PDE11A: variants seen among roughly 807,000 people sequenced by gnomAD.
PDE11A encodes the protein dual 3',5'-cyclic-AMP and -GMP phosphodiesterase 11A.
A neutral mutation model predicts 100.5 loss-of-function variants in PDE11A; 100 were observed. The observed-to-expected ratio is 1.00, with a 90% confidence interval of 0.85 to 1.18. The LOEUF is 1.18. Ranked by LOEUF, PDE11A falls within the 50% of genes most tolerant of loss-of-function variation. The probability of loss-of-function intolerance (pLI) is 0.00; values close to 1 mark genes in which losing one functional copy is unlikely to be tolerated. For synonymous variants in PDE11A, 381 were observed against 420.8 expected (o/e 0.91, Z 1.16); for missense variants, 1,141 against 1,152.6 (o/e 0.99, Z 0.15).
intron 2 of PDE11A, among the ~76,000 whole-genome samples, chr2:177,945,368 A>T (rs1220755473): frequency 1.4e-5 from 2 of 139,516 alleles, no homozygotes; most frequent in Non-Finnish European, 3.1e-5. Flanking sequence ...CCCATCTAGG[A>T]AGTGAGGAGC....
At chr2:177,927,392 C>T (rs532624707) in intron 2 of PDE11A, among the ~76,000 whole-genome samples, 3 of 152,272 alleles carry the variant, frequency 2.0e-5, no homozygotes, top group Admixed American at 6.5e-5. Flanking sequence ...TATCCAGCAC[C>T]GATTTTGTTC....
At chr2:178,011,007 C>T (rs1179074229) in intron 2 of PDE11A, among the ~76,000 whole-genome samples, 2 of 152,152 alleles carry the variant, frequency 1.3e-5, no homozygotes, top group African/African-American at 4.8e-5. Flanking sequence ...GCTATTTATT[C>T]ATCCCATGCT....
chr2:178,032,662 TAGGCC>T (rs1445930505), intron 1 of PDE11A, among the ~76,000 whole-genome samples: 3 of 152,112 alleles, frequency 2.0e-5, no homozygotes, highest in Admixed American at 6.5e-5. Flanking sequence ...TGGCTGGCAT[TAGGCC>T]AGGGCCTCCC....
At chr2:177,997,741 T>C in intron 2 of PDE11A, 1 of 1,458,172 alleles carries the variant, frequency 6.9e-7, no homozygotes, top group Middle Eastern at 1.9e-4. Flanking sequence ...CAACAAACAT[T>C]CCACATAACT....
At chr2:177,853,904 G>A (rs1418176889) in intron 5 of PDE11A, among the ~76,000 whole-genome samples, 1 of 140,326 alleles carries the variant, frequency 7.1e-6, no homozygotes, top group Non-Finnish European at 1.5e-5. Context: ...AGATATATAT[G>A]TATATATGTG....
chr2:178,035,113 A>C (rs1000033322), intron 1 of PDE11A, among the ~76,000 whole-genome samples: 10 of 152,204 alleles, frequency 6.6e-5, no homozygotes, highest in Non-Finnish European at 1.0e-4. Context: ...ACATTAACAA[A>C]ATAGATGGAC....
chr2:177,684,911 G>T (rs999851411), intron 15 of PDE11A, among the ~76,000 whole-genome samples: 2 of 152,202 alleles, frequency 1.3e-5, no homozygotes, highest in African/African-American at 4.8e-5. Context: ...TGTCCTTGGA[G>T]CACAGAGGAA....
rs554628677 is a variant in PDE11A at position 177,733,499 on chromosome 2, G to A, written c.1789-5327C>T. On this transcript the variant is annotated intron_variant, in intron 10 of 19. Transcript: ENST00000286063. ...ATTGAAAAGGTAGCTTTACAAAGAG[G>A]CCATAAAATGTTAAAATACAATCCT... Among the ~76,000 whole-genome samples, 4 of 152,274 alleles carry A rather than the reference G, an allele frequency of 2.6e-5. No homozygotes were observed. In the East Asian group the frequency reaches 7.7e-4, roughly 29 times the overall value.
At chr2:177,715,481 T>TAA (rs947185025) in intron 12 of PDE11A, among the ~76,000 whole-genome samples, 56 of 151,674 alleles carry the variant, frequency 3.7e-4, no homozygotes, top group African/African-American at 1.3e-3. Context: ...CTTTTTTTTT[T>TAA]AAAATAATTT....
At chr2:178,104,209 G>T in intron 2 of PDE11A, 2 of 1,203,814 alleles carry the variant, frequency 1.7e-6, no homozygotes, top group Admixed American at 1.7e-5. Context: ...CATTTTTAAC[G>T]CTGCAAATTA....
At chr2:177,675,262 TA>T (rs11378638) in intron 17 of PDE11A, among the ~76,000 whole-genome samples, 192 bp downstream of exon 17, 8,764 of 139,060 alleles carry the variant, frequency 0.063, 298 homozygotes, top group African/African-American at 0.092. Context: ...GAAAGCACGA[TA>T]AAAAAAAAAA....
chr2:178,067,586 C>T (rs62185281), intron 1 of PDE11A, among the ~76,000 whole-genome samples: 3,073 of 152,254 alleles, frequency 0.02, 74 homozygotes, highest in Non-Finnish European at 0.023. Context: ...AAATCTAATC[C>T]TATTTATAGC....
At chr2:177,946,136 C>T (rs1216940447) in intron 2 of PDE11A, among the ~76,000 whole-genome samples, 29 of 109,146 alleles carry the variant, frequency 2.7e-4, no homozygotes, top group Non-Finnish European at 5.3e-4. Flanking sequence ...CCAGCCGCCC[C>T]GTCTGGGAGG....
chr2:177,872,104 A>T (rs1301622195), intron 5 of PDE11A, among the ~76,000 whole-genome samples: 1 of 152,216 alleles, frequency 6.6e-6, no homozygotes, highest in South Asian at 2.1e-4. Context: ...CCTTGAGGAC[A>T]GAGACTGCTT....
At chr2:177,861,387 C>A (rs1439192050) in intron 5 of PDE11A, among the ~76,000 whole-genome samples, 1 of 151,540 alleles carries the variant, frequency 6.6e-6, no homozygotes, top group African/African-American at 2.4e-5. Flanking sequence ...AAGTCTTTTA[C>A]ACTTAAAACT....
At chr2:177,961,071 T>C (rs1293743586) in intron 2 of PDE11A, among the ~76,000 whole-genome samples, 1 of 152,176 alleles carries the variant, frequency 6.6e-6, no homozygotes, top group Non-Finnish European at 1.5e-5. Context: ...TGCCCCCAAA[T>C]GGAGTAAAAT....
chr2:177,943,001 A>G lies in PDE11A; in HGVS notation c.1072-37814T>C, dbSNP rs187205846. On this transcript the variant is annotated intron_variant, in intron 2 of 19. Transcript: ENST00000286063. ...TTTTGGTGACTGTCTTATTTCACTT[A>G]GCATAATGCCCTCAAGGCCATTCAT... Among the ~76,000 whole-genome samples the G allele has an allele frequency of 3.5e-3, 530 of 152,334 alleles. 3 individuals carry two copies. Among genetic ancestry groups the G allele is most frequent in the Non-Finnish European group, 6.2e-3 (423 of 68,036 alleles).
intron 5 of PDE11A, among the ~76,000 whole-genome samples, chr2:177,845,480 G>A (rs1382332052): frequency 9.2e-5 from 14 of 151,850 alleles, no homozygotes; most frequent in South Asian, 6.3e-4. Context: ...GATGGCGGCC[G>A]GGAAGAGGTG....
chr2:177,939,586 T>C (rs1054653676), intron 2 of PDE11A, among the ~76,000 whole-genome samples: 17 of 147,872 alleles, frequency 1.1e-4, no homozygotes, highest in African/African-American at 4.3e-4. Context: ...GAAGGTAGGT[T>C]GACTCCGAAT....
Sources: gnomAD v4.1 joint callset for allele counts (sites outside exome capture counted in the v4.1 genomes callset) on GRCh38, gnomAD v4.1.1 for gene constraint, MANE v1.5 for transcripts, NCBI Gene and HGNC (gene_info 2026-07-23, HGNC 2026-07-21) for gene names.